PCCA: variants seen among roughly 807,000 people sequenced by gnomAD.
PCCA encodes propionyl-CoA carboxylase alpha chain, mitochondrial.
In PCCA, 74 loss-of-function variants were observed where a neutral mutation model predicts 101.3. That is an observed-to-expected ratio of 0.73 (90% CI 0.61 to 0.89). PCCA has a LOEUF of 0.89. Ranked by LOEUF, PCCA falls within the 40% of genes least tolerant of loss-of-function variation. The probability of loss-of-function intolerance (pLI) is 0.00; values close to 1 mark genes in which losing one functional copy is unlikely to be tolerated. For synonymous variants in PCCA, 294 were observed against 313.6 expected (o/e 0.94, Z 0.66); for missense variants, 891 against 907.0 (o/e 0.98, Z 0.23).
At chr13:100,348,212 G>A (rs558716809) in intron 18 of PCCA, among the ~76,000 whole-genome samples, 1 of 152,178 alleles carries the variant, frequency 6.6e-6, no homozygotes, top group African/African-American at 2.4e-5. Flanking sequence ...TGTGTTGCTT[G>A]TTTTGGCTGC....
chr13:100,245,672 T>A (rs796088838), intron 8 of PCCA, among the ~76,000 whole-genome samples: 11 of 152,346 alleles, frequency 7.2e-5, no homozygotes, highest in Admixed American at 2.0e-4. Flanking sequence ...ACAAGGTGTT[T>A]ACTATTATAT....
In PCCA at chr13:100,367,900, G is replaced by A. The variant is rs2075309266; in HGVS notation, c.1644-572G>A. Among the ~76,000 whole-genome samples the A allele has an allele frequency of 2.0e-5, 3 of 151,998 alleles. No homozygotes were observed. In the South Asian group the frequency reaches 6.2e-4, roughly 32 times the overall value. Reference sequence around the variant, plus strand: ...TTGAACCCAGGAGGCAGAGGTTGCAGTGAGCCGAAATCGCACCATTGCACT... The same window carrying A: ...TTGAACCCAGGAGGCAGAGGTTGCAATGAGCCGAAATCGCACCATTGCACT... On this transcript the variant is annotated intron_variant, in intron 18 of 23. Coordinates refer to ENST00000376285, the MANE Select transcript of PCCA (RefSeq NM_000282.4).
At chr13:100,492,653 C>G (rs570029931) in intron 21 of PCCA, among the ~76,000 whole-genome samples, 2 of 151,412 alleles carry the variant, frequency 1.3e-5, no homozygotes, top group Non-Finnish European at 2.9e-5. Context: ...CAGGCATTCC[C>G]GTTTTTGTGC....
intron 12 of PCCA, among the ~76,000 whole-genome samples, chr13:100,277,156 T>C (rs2063724023): frequency 6.6e-6 from 1 of 152,120 alleles, no homozygotes; most frequent in African/African-American, 2.4e-5. Context: ...TAGAGAATGG[T>C]TGGTTTTATT....
intron 20 of PCCA, among the ~76,000 whole-genome samples, chr13:100,428,662 G>A (rs1278310994): frequency 6.6e-6 from 1 of 152,094 alleles, no homozygotes; most frequent in Non-Finnish European, 1.5e-5. Flanking sequence ...AAGCCTTGTG[G>A]AAACTCAAGT....
At chr13:100,447,435 A>G (rs1207930102) in intron 20 of PCCA, among the ~76,000 whole-genome samples, 1 of 150,124 alleles carries the variant, frequency 6.7e-6, no homozygotes, top group Non-Finnish European at 1.5e-5. Context: ...CATACCTGTA[A>G]TCCCAGCACT....
At chr13:100,322,689 G>A (rs2068197868) in intron 16 of PCCA, among the ~76,000 whole-genome samples, 1 of 151,702 alleles carries the variant, frequency 6.6e-6, no homozygotes, top group African/African-American at 2.4e-5. Context: ...TCCTGCCTCA[G>A]CCTCCCAAGT....
intron 19 of PCCA, among the ~76,000 whole-genome samples, chr13:100,379,349 T>C (rs1185170438): frequency 6.6e-6 from 1 of 152,166 alleles, no homozygotes; most frequent in Non-Finnish European, 1.5e-5. Flanking sequence ...ATGTCTGTCC[T>C]TGGGCCCCGG....
intron 4 of PCCA, among the ~76,000 whole-genome samples, chr13:100,153,583 A>G (rs1048704292): frequency 6.6e-6 from 1 of 152,196 alleles, no homozygotes; most frequent in African/African-American, 2.4e-5. Flanking sequence ...ATTGACAGTA[A>G]CAGGATCTGA....
intron 19 of PCCA, among the ~76,000 whole-genome samples, chr13:100,386,610 T>C (rs910173954): frequency 2.0e-5 from 3 of 152,210 alleles, no homozygotes; most frequent in Non-Finnish European, 4.4e-5. Context: ...CTCCATCTCC[T>C]GACGTCGTGA....
At chr13:100,498,528 A>G (rs2085440144) in intron 21 of PCCA, among the ~76,000 whole-genome samples, 1 of 152,194 alleles carries the variant, frequency 6.6e-6, no homozygotes, top group Non-Finnish European at 1.5e-5. Context: ...ACCATTAGCT[A>G]AGTTAAAACA....
At chr13:100,412,790 C>T (rs902272570) in intron 19 of PCCA, among the ~76,000 whole-genome samples, 6 of 152,046 alleles carry the variant, frequency 3.9e-5, no homozygotes, top group African/African-American at 1.4e-4. Context: ...TTCTATATCT[C>T]ACCTTTACCT....
intron 12 of PCCA, among the ~76,000 whole-genome samples, chr13:100,295,795 A>G (rs1258779868): frequency 6.6e-6 from 1 of 152,228 alleles, no homozygotes; most frequent in African/African-American, 2.4e-5. Flanking sequence ...AGGAATTTTA[A>G]TACTTCTCAT....
chr13:100,397,077 T>C (rs1468465827), intron 19 of PCCA, among the ~76,000 whole-genome samples: 1 of 152,154 alleles, frequency 6.6e-6, no homozygotes, highest in African/African-American at 2.4e-5. Flanking sequence ...CTCTACTGAG[T>C]GTCTGTTGCA....
chr13:100,163,111 G>C (rs1390479492), intron 6 of PCCA, among the ~76,000 whole-genome samples: 1 of 152,192 alleles, frequency 6.6e-6, no homozygotes, highest in African/African-American at 2.4e-5. Flanking sequence ...CAGTTAGGGA[G>C]TCTTTTAAGG....
intron 22 of PCCA, among the ~76,000 whole-genome samples, chr13:100,527,085 T>C (rs932802928): frequency 6.6e-6 from 1 of 151,790 alleles, no homozygotes; most frequent in East Asian, 1.9e-4. Context: ...GACAGAAATA[T>C]GTATATTTGG....
In PCCA at chr13:100,379,747, TGA is replaced by T. The variant is rs2076121797; in HGVS notation, c.1746+11176_1746+11177del. 2.6e-5 allele frequency among the ~76,000 whole-genome samples: 4 copies of T among 152,204 alleles called. No individual in the cohort carries two copies. The South Asian group carries it at 8.3e-4, about 32-fold the overall frequency. On this transcript the variant is annotated intron_variant, in intron 19 of 23. Coordinates refer to ENST00000376285, the MANE Select transcript of PCCA (RefSeq NM_000282.4). ...CCCTTTATAAAACCATCAGACCTCC[TGA>T]GACTTATTCACTATCACAGGAACCA...
At chr13:100,123,111 C>T (rs1358841105) in intron 4 of PCCA, among the ~76,000 whole-genome samples, 2 of 152,212 alleles carry the variant, frequency 1.3e-5, no homozygotes, top group Non-Finnish European at 2.9e-5. Context: ...GGCTGGAGTG[C>T]AATGGCACCA....
chr13:100,530,052 T>A (rs2088283452), intron 23 of PCCA, 46 bp from the exon 24 acceptor site: 2 of 1,452,580 alleles, frequency 1.4e-6, no homozygotes, highest in Non-Finnish European at 1.9e-6. Context: ...TGGTTCTGGT[T>A]ACTAATTCTT....
Sources: allele counts gnomAD v4.1 joint callset (sites outside exome capture counted in the v4.1 genomes callset), GRCh38; gene constraint gnomAD v4.1.1; transcripts MANE v1.5; gene names NCBI Gene and HGNC (gene_info 2026-07-23, HGNC 2026-07-21).